COL9A2: variants seen among roughly 807,000 people sequenced by gnomAD.
COL9A2 encodes the protein collagen type IX alpha 2 chain.
In COL9A2, 66 loss-of-function variants were observed where a neutral mutation model predicts 111.6. The ratio of observed to expected loss-of-function variants is 0.59; its 90% CI spans 0.48 to 0.73. COL9A2 has a LOEUF of 0.73. Ranked by LOEUF, COL9A2 falls within the 30% of genes least tolerant of loss-of-function variation. COL9A2 has a pLI of 0.00. For synonymous variants in COL9A2, 353 were observed against 364.1 expected (o/e 0.97, Z 0.35); for missense variants, 881 against 954.1 (o/e 0.92, Z 1.01).
rs3737821 is a variant in COL9A2 at position 40,302,672 on chromosome 1, C to T, written c.1741G>A (p.Val581Ile). The change falls in exon 30 of 32, where the codon GTT becomes ATT. Residue 581 changes from valine (V) to isoleucine (I), a missense_variant. Transcript: ENST00000372748. The surrounding 1 kb of genome is among the most constrained non-coding windows in gnomAD (Gnocchi z 4.5). Reference protein sequence around the residue: ...GPHGHPGPRGVPGIVGAVGQI... With the variant: ...GPHGHPGPRGIPGIVGAVGQI... The stretch of plus-strand genomic sequence containing the variant: ...CCCACGGCTCCCACGATGCCAGGAA[C>T]GCCCCGAGGGCCAGGGTGCCCATGG... 0.029 allele frequency: 47,080 copies of T among 1,600,116 alleles called. 1,677 individuals carry two copies. The highest frequency in any genetic ancestry group is 0.17 in the African/African-American group (12,907 of 74,582).
rs2124042518 is a variant in COL9A2 at position 40,303,009 on chromosome 1, G to T, written c.1603+122C>A. Reference sequence around the variant, plus strand: ...AGGTCCCAAAACCCTTCAGAGACTGGACTGGAAGGAGCCCCCAGGACTCCA... The same window carrying T: ...AGGTCCCAAAACCCTTCAGAGACTGTACTGGAAGGAGCCCCCAGGACTCCA... On this transcript the variant is annotated intron_variant, in intron 29 of 31. Coordinates refer to ENST00000372748, the MANE Select transcript of COL9A2 (RefSeq NM_001852.4). The surrounding 1 kb of genome is among the most constrained non-coding windows in gnomAD (Gnocchi z 4.6). 2 of 1,163,122 alleles carry T rather than the reference G, an allele frequency of 1.7e-6. No individual in the cohort carries two copies. The highest frequency in any genetic ancestry group is 1.3e-5 in the South Asian group (1 of 75,300). 72.1% of individuals were successfully genotyped at this position (1,163,122 alleles called of 1,614,324 possible). A position where few individuals can be genotyped will look rare whatever the true frequency, so the allele number is the denominator to read the frequency against.
At chr1:40,305,795 T>C (rs1044983220) in intron 20 of COL9A2, 27 bp from the exon 21 acceptor site, 1 of 1,612,020 alleles carries the variant, frequency 6.2e-7, no homozygotes, top group African/African-American at 1.3e-5. Context: ...CTCAGGTCAG[T>C]CTGGGTGGCC....
At position 40,311,111 on chromosome 1, in the gene COL9A2, A is replaced by G; in HGVS notation, c.612T>C (p.Pro204=). 1 of 1,614,176 alleles carries G rather than the reference A, an allele frequency of 6.2e-7. No individual in the cohort carries two copies. ...HAGKRGILGD[P]GHQGKPGPKG... is the part of the protein sequence containing the mutation. Reference sequence around the variant, plus strand: ...CACTCACCGGCTTCCCCTGGTGGCCAGGATCACCCAGAATCCCGCGTTTGC... The same window carrying G: ...CACTCACCGGCTTCCCCTGGTGGCCGGGATCACCCAGAATCCCGCGTTTGC... Residue 204 remains proline, a synonymous_variant, in exon 12 of 32, where the codon CCT becomes CCC. Coordinates refer to ENST00000372748, the MANE Select transcript of COL9A2 (RefSeq NM_001852.4). This position sits in a 1 kb window ranked among gnomAD's most constrained non-coding sequence, Gnocchi z 5.1.
Position 40,312,214 on chromosome 1 carries a change from T to A in COL9A2, c.364-102A>T, listed in dbSNP as rs766835007. On this transcript the variant is annotated intron_variant, in intron 7 of 31. Transcript: ENST00000372748. This position sits in a 1 kb window ranked among gnomAD's most constrained non-coding sequence, Gnocchi z 6.0. ...CAAAGCCCGTTTCTCCACTTTTACT[T>A]TTTTTTTTTTTTTGCCAACCCCAGA... 1 of 621,456 alleles carries A rather than the reference T, an allele frequency of 1.6e-6. No individual in the cohort carries two copies. Among genetic ancestry groups the A allele is most frequent in the Non-Finnish European group, 2.4e-6 (1 of 417,618 alleles). 38.5% of individuals were successfully genotyped at this position (621,456 alleles called of 1,614,324 possible).
At position 40,312,591 on chromosome 1, in the gene COL9A2, C is replaced by T; in HGVS notation, c.322G>A (p.Gly108Ser). Reference protein sequence around the residue: ...PGVKGQPGLPGPPGLPGPGFA... With the variant: ...PGVKGQPGLPSPPGLPGPGFA... ...GTACTCACCGGAAGGCCAGGAGGACCAGGAAGCCCGGGCTGGCCCTGCAGA... is the reference window on the plus strand; with the variant it reads ...GTACTCACCGGAAGGCCAGGAGGACTAGGAAGCCCGGGCTGGCCCTGCAGA... Residue 108 changes from glycine (G) to serine (S), a missense_variant, in exon 6 of 32, where the codon GGT becomes AGT. Physicochemically the swap from Gly to Ser is moderately conservative, Grantham distance 56 (BLOSUM62 0). Coordinates refer to ENST00000372748, the MANE Select transcript of COL9A2 (RefSeq NM_001852.4). This position sits in a 1 kb window ranked among gnomAD's most constrained non-coding sequence, Gnocchi z 6.0. The T allele has an allele frequency of 6.2e-7, 1 of 1,614,090 alleles. No individual in the cohort carries two copies. Among genetic ancestry groups the T allele is most frequent in the Non-Finnish European group, 8.5e-7 (1 of 1,179,992 alleles).
In COL9A2 at chr1:40,314,962, G is replaced by A. The variant is rs949033153; in HGVS notation, c.151-575C>T. Among the ~76,000 whole-genome samples, 23 of 151,976 alleles carry A rather than the reference G, an allele frequency of 1.5e-4. No individual in the cohort carries two copies. Among genetic ancestry groups the A allele is most frequent in the Non-Finnish European group, 3.2e-4 (22 of 67,986 alleles). On this transcript the variant is annotated intron_variant, in intron 2 of 31. Coordinates refer to ENST00000372748, the MANE Select transcript of COL9A2 (RefSeq NM_001852.4). The surrounding 1 kb of genome is among the most constrained non-coding windows in gnomAD (Gnocchi z 4.1). ...GTAGAGTGCGATTCAGCCCCAGAGA[G>A]GCCTCCAGGCATTTCAGAGCCCTCA...
At position 40,311,588 on chromosome 1, in the gene COL9A2, C is replaced by T; in HGVS notation, c.472-41G>A. Reference sequence around the variant, plus strand: ...AAGATGGAGCTTGGCCTGACCCTTTCCCGCCGCAGGCTTGCTCAAAGACCC... The same window carrying T: ...AAGATGGAGCTTGGCCTGACCCTTTTCCGCCGCAGGCTTGCTCAAAGACCC... On this transcript the variant is annotated intron_variant, in intron 9 of 31. Transcript: ENST00000372748. This position sits in a 1 kb window ranked among gnomAD's most constrained non-coding sequence, Gnocchi z 5.1. 2 of 1,613,996 alleles carry T rather than the reference C, an allele frequency of 1.2e-6. No homozygotes were observed. The highest frequency in any genetic ancestry group is 1.7e-6 in the Non-Finnish European group (2 of 1,179,936).
rs748341610 is a variant in COL9A2 at position 40,301,792 on chromosome 1, G to A, written c.1870+20C>T. 9.9e-6 allele frequency: 16 copies of A among 1,611,558 alleles called. No individual in the cohort carries two copies. In the Admixed American group the frequency reaches 2.7e-4, roughly 27 times the overall value. On this transcript the variant is annotated intron_variant, in intron 31 of 31. Coordinates refer to ENST00000372748, the MANE Select transcript of COL9A2 (RefSeq NM_001852.4). Reference sequence around the variant, plus strand: ...CCAAGCTGAGGAACACACTGCAGCTGGGCAGGGCCAATGGCTTACCTGGGA... The same window carrying A: ...CCAAGCTGAGGAACACACTGCAGCTAGGCAGGGCCAATGGCTTACCTGGGA...
At position 40,307,541 on chromosome 1, in the gene COL9A2, G is replaced by A; in HGVS notation, c.955-42C>T. 3 of 1,610,648 alleles carry A rather than the reference G, an allele frequency of 1.9e-6. No homozygotes were observed. Among genetic ancestry groups the A allele is most frequent in the Non-Finnish European group, 1.7e-6 (2 of 1,177,286 alleles). ...ACCAAAGATACAAATTAAAGCTCCA[G>A]CCAGAGGGCCATGGCTTCTACCCAG... On this transcript the variant is annotated intron_variant, in intron 18 of 31. Transcript: ENST00000372748. This position sits in a 1 kb window ranked among gnomAD's most constrained non-coding sequence, Gnocchi z 4.8.
In COL9A2 at chr1:40,314,724, C is replaced by T. The variant is rs1000071695; in HGVS notation, c.151-337G>A. On this transcript the variant is annotated intron_variant, in intron 2 of 31. Transcript: ENST00000372748. The surrounding 1 kb of genome is among the most constrained non-coding windows in gnomAD (Gnocchi z 4.1). The stretch of plus-strand genomic sequence containing the variant: ...AGCTGATGCCTCTTGGATTTGGGCA[C>T]GTGTGGGAGGAAGGTTGGGGCTTTT... Among the ~76,000 whole-genome samples, 5 of 152,078 alleles carry T rather than the reference C, an allele frequency of 3.3e-5. No homozygotes were observed. In the East Asian group the frequency reaches 7.7e-4, roughly 23 times the overall value.
intron 16 of COL9A2, among the ~76,000 whole-genome samples, chr1:40,309,614 G>A (rs1644085060): frequency 6.6e-6 from 1 of 151,612 alleles, no homozygotes; most frequent in South Asian, 2.1e-4. Flanking sequence ...CTCCCCAGCA[G>A]GTCACCCACT....
At position 40,312,097 on chromosome 1, in the gene COL9A2, C is replaced by G. The variant is rs1331964044; in HGVS notation, c.379G>C (p.Val127Leu). 6.2e-7 allele frequency: 1 copy of G among 1,601,988 alleles called. No homozygotes were observed. The highest frequency in any genetic ancestry group is 8.5e-7 in the Non-Finnish European group (1 of 1,176,088). Residue 127 changes from valine (V) to leucine (L), a missense_variant, in exon 8 of 32, where the codon GTT (valine) becomes CTT (leucine). By Grantham distance (32) the Val-to-Leu change is conservative. Coordinates refer to ENST00000372748, the MANE Select transcript of COL9A2 (RefSeq NM_001852.4). This position sits in a 1 kb window ranked among gnomAD's most constrained non-coding sequence, Gnocchi z 6.0. ...FAGPPGPPGPVGLPGEIGIRG... is the reference protein window; with the variant it reads ...FAGPPGPPGPLGLPGEIGIRG... ...ATTCCAATCTCACCAGGGAGGCCAA[C>G]AGGTCCAGGAGGCCCCTGGGGAGCA...
rs1025841990 is a variant in COL9A2, at chr1:40,302,728, C to T, written c.1685G>A (p.Gly562Glu). 1 of 1,572,856 alleles carries T rather than the reference C, an allele frequency of 6.4e-7. No homozygotes were observed. Among genetic ancestry groups the T allele is most frequent in the Non-Finnish European group, 8.6e-7 (1 of 1,160,368 alleles). ...CTGCTTGCCTGGGTACCCAGGGGGC[C>T]CAGGAGGTCCTGGAGGACCCATCAT... The part of the protein sequence containing the change: ...VGMMGPPGPP[G>E]PPGYPGKQGP... Residue 562 changes from glycine (G) to glutamate (E), a missense_variant, in exon 30 of 32, where the codon GGG (glycine) becomes GAG (glutamate). Physicochemically the swap from Gly to Glu is moderately conservative, Grantham distance 98 (BLOSUM62 -2). Transcript: ENST00000372748. The surrounding 1 kb of genome is among the most constrained non-coding windows in gnomAD (Gnocchi z 4.5).
intron 21 of COL9A2, among the ~76,000 whole-genome samples, chr1:40,305,302 G>T (rs188050591): frequency 1.4e-4 from 22 of 152,160 alleles, no homozygotes; most frequent in Admixed American, 1.0e-3. Context: ...TGATCCACCC[G>T]CCTCAGCCTC....
In COL9A2 at chr1:40,310,383, G is replaced by A. The variant is rs1022627805; in HGVS notation, c.685-66C>T. Reference sequence around the variant, plus strand: ...CCCACTTCATGATACCTTGTCTGATGCCCACCTTCAATCTTACAGTGCCCT... The same window carrying A: ...CCCACTTCATGATACCTTGTCTGATACCCACCTTCAATCTTACAGTGCCCT... On this transcript the variant is annotated intron_variant, in intron 13 of 31. Transcript: ENST00000372748. The surrounding 1 kb of genome is among the most constrained non-coding windows in gnomAD (Gnocchi z 4.9). The A allele has an allele frequency of 5.3e-6, 8 of 1,503,516 alleles. No homozygotes were observed. In the East Asian group the frequency reaches 1.8e-4, roughly 34 times the overall value. The allele number at this position is 1,503,516 out of a possible 1,614,324, so 93.1% of individuals were successfully genotyped here.
In COL9A2 at chr1:40,304,191, GCCTCGCCGACCAGA is replaced by G. The variant is rs1643981706; in HGVS notation, c.1288-106_1288-93del. On this transcript the variant is annotated intron_variant, in intron 24 of 31. Coordinates refer to ENST00000372748, the MANE Select transcript of COL9A2 (RefSeq NM_001852.4). Reference sequence around the variant, plus strand: ...CGGCCACACCCCTCTTTCCAACTCCGCCTCGCCGACCAGACCAGAACCCTGAGATCCGCAGGTTT... The same window carrying G: ...CGGCCACACCCCTCTTTCCAACTCCGCCAGAACCCTGAGATCCGCAGGTTT... 11 of 1,513,882 alleles carry G rather than the reference GCCTCGCCGACCAGA, an allele frequency of 7.3e-6. No homozygotes were observed. The South Asian group carries it at 1.4e-4, about 19-fold the overall frequency. The allele number at this position is 1,513,882 out of a possible 1,614,324, so 93.8% of individuals were successfully genotyped here.
chr1:40,307,723 G>A lies in COL9A2; in HGVS notation c.934C>T (p.Pro312Ser), dbSNP rs1644052278. The change falls in exon 18 of 32, where the codon CCA becomes TCA. Residue 312 changes from proline (P) to serine (S), a missense_variant. Coordinates refer to ENST00000372748, the MANE Select transcript of COL9A2 (RefSeq NM_001852.4). This position sits in a 1 kb window ranked among gnomAD's most constrained non-coding sequence, Gnocchi z 4.8. ...PPGINGKDGT[P>S]GTPGMKGSAG... ...CCTACCTTCATGCCAGGCGTGCCTG[G>A]GGTCCCATCCTTGCCGTTGATGCCT... 3 of 1,614,044 alleles carry A rather than the reference G, an allele frequency of 1.9e-6. No homozygotes were observed. The highest frequency in any genetic ancestry group is 2.5e-6 in the Non-Finnish European group (3 of 1,180,032).
chr1:40,302,822 AG>A lies in COL9A2; in HGVS notation c.1604-14del. ...TCTGCCAGTTGCTCTGGAGGGAGGG[AG>A]GGAGGGAGGGAGAGGGAAGTCTATG... On this transcript the variant is annotated splice_polypyrimidine_tract_variant and intron_variant, in intron 29 of 31. Transcript: ENST00000372748. The surrounding 1 kb of genome is among the most constrained non-coding windows in gnomAD (Gnocchi z 4.5). 8.5e-6 allele frequency: 4 copies of A among 468,536 alleles called. No individual in the cohort carries two copies. Among genetic ancestry groups the A allele is most frequent in the Non-Finnish European group, 1.3e-5 (3 of 234,598 alleles). 29.0% of individuals were successfully genotyped at this position (468,536 alleles called of 1,614,324 possible).
At position 40,302,501 on chromosome 1, in the gene COL9A2, C is replaced by G. The variant is rs1643929007; in HGVS notation, c.1792+120G>C. 8 of 1,117,958 alleles carry G rather than the reference C, an allele frequency of 7.2e-6. No homozygotes were observed. The Admixed American group carries it at 1.4e-4, about 20-fold the overall frequency. 69.3% of individuals were successfully genotyped at this position (1,117,958 alleles called of 1,614,324 possible). A position where few individuals can be genotyped will look rare whatever the true frequency, so the allele number is the denominator to read the frequency against. ...AAGAGCCCAGGAGTGTCTCCTGGAC[C>G]ATGTGGCTGAGGAACCGGGGAAGGG... On this transcript the variant is annotated intron_variant, in intron 30 of 31. Transcript: ENST00000372748. This position sits in a 1 kb window ranked among gnomAD's most constrained non-coding sequence, Gnocchi z 4.5.
Sources: gnomAD v4.1 joint callset for allele counts (sites outside exome capture counted in the v4.1 genomes callset) on GRCh38, gnomAD v4.1.1 for gene constraint, Gnocchi (gnomAD v3.1) non-coding constraint, MANE v1.5 for transcripts, NCBI Gene and HGNC (gene_info 2026-07-23, HGNC 2026-07-21) for gene names.